Variants in UNC79 observed in about 807,000 individuals in gnomAD.
The protein encoded by UNC79 is protein unc-79 homolog.
A neutral mutation model predicts 283.1 loss-of-function variants in UNC79; 37 were observed. The ratio of observed to expected loss-of-function variants is 0.13; its 90% CI spans 0.10 to 0.17. The LOEUF is 0.17. Among genes scored for constraint, UNC79 ranks in the 10% least tolerant of loss-of-function variants. UNC79 has a pLI of 1.00. For synonymous variants in UNC79, 1,107 were observed against 1,200.2 expected, an observed-to-expected ratio of 0.92 and a Z score of 1.61; for missense variants, 2,272 against 3,211.1, an observed-to-expected ratio of 0.71 and a Z score of 7.07.
chr14:93,589,323 G>C (rs749223910), intron 22 of UNC79, among the ~76,000 whole-genome samples: 1 of 152,094 alleles, frequency 6.6e-6, no homozygotes, highest in Non-Finnish European at 1.5e-5. Flanking sequence ...GTGATGAAAC[G>C]GTTGTCTCTG....
At chr14:93,628,034 T>A (rs1334901796) in intron 30 of UNC79, among the ~76,000 whole-genome samples, 1 of 152,216 alleles carries the variant, frequency 6.6e-6, no homozygotes, top group Non-Finnish European at 1.5e-5. Flanking sequence ...AGTAGTATTT[T>A]ATTTAGTAGT....
chr14:93,623,541 G>A (rs1566802679), intron 30 of UNC79, among the ~76,000 whole-genome samples: 1 of 152,202 alleles, frequency 6.6e-6, no homozygotes, highest in Admixed American at 6.5e-5. Flanking sequence ...ACAGTCTTCT[G>A]TAATGTTACC....
In UNC79 at chr14:93,480,352, G is replaced by A. The variant is rs112104197; in HGVS notation, c.619+2624G>A. Among the ~76,000 whole-genome samples, 1,479 of 152,070 alleles carry A rather than the reference G, an allele frequency of 9.7e-3. 26 individuals are homozygous for A. Among genetic ancestry groups the A allele is most frequent in the African/African-American group, 0.034 (1,396 of 41,472 alleles). On this transcript the variant is annotated intron_variant, in intron 4 of 48. Coordinates refer to ENST00000555664, the Ensembl canonical transcript of UNC79. ...GGGTTTGAAAAAAATGTTCAGTCTC[G>A]CAGATTACTTCTGGCGTACTAATTC...
At chr14:93,348,956 A>G (rs1292682407) in intron 1 of UNC79, among the ~76,000 whole-genome samples, 2 of 152,240 alleles carry the variant, frequency 1.3e-5, no homozygotes, top group Non-Finnish European at 2.9e-5. Flanking sequence ...GCACTGTGGA[A>G]GCTTTGTTCT....
At chr14:93,579,188 G>T (rs2063640008) in intron 18 of UNC79, among the ~76,000 whole-genome samples, 1 of 152,190 alleles carries the variant, frequency 6.6e-6, no homozygotes, top group East Asian at 1.9e-4. Flanking sequence ...GCAGGCGTAA[G>T]ATATAATAAT....
chr14:93,394,351 C>CATTTTA (rs779142641), intron 1 of UNC79, among the ~76,000 whole-genome samples: 11 of 124,766 alleles, frequency 8.8e-5, no homozygotes, highest in Admixed American at 2.5e-4. Context: ...ATGCAATTGT[C>CATTTTA]TTTTATTTTA....
chr14:93,593,623 C>A (rs893501638), intron 22 of UNC79, 57 bp from the exon 23 acceptor site: 4 of 1,559,920 alleles, frequency 2.6e-6, no homozygotes, highest in African/African-American at 2.7e-5. Context: ...AGGACAGGAT[C>A]TTTTTCTGGA....
chr14:93,516,873 CTTTAA>C (rs1196060928), intron 7 of UNC79, among the ~76,000 whole-genome samples: 1 of 151,932 alleles, frequency 6.6e-6, no homozygotes, highest in African/African-American at 2.4e-5. Context: ...TTTAGGTCTT[CTTTAA>C]TTTCTTTCAG....
At chr14:93,522,643 G>T (rs967560789) in intron 7 of UNC79, among the ~76,000 whole-genome samples, 1 of 151,996 alleles carries the variant, frequency 6.6e-6, no homozygotes, top group South Asian at 2.1e-4. Flanking sequence ...CGCCTATACC[G>T]AAATTATTTC....
chr14:93,532,491 A>C, intron 10 of UNC79, 59 bp from the exon 11 acceptor site: 1 of 1,566,908 alleles, frequency 6.4e-7, no homozygotes, highest in Non-Finnish European at 8.7e-7. Flanking sequence ...TAATTAATTA[A>C]ATAAAAATTA....
At chr14:93,585,001 AT>A (rs1359437229) in intron 20 of UNC79, among the ~76,000 whole-genome samples, 1 of 152,036 alleles carries the variant, frequency 6.6e-6, no homozygotes, top group Non-Finnish European at 1.5e-5. Flanking sequence ...CTGGCCAGCA[AT>A]TTATTTTTAA....
intron 14 of UNC79, 63 bp downstream of exon 14, chr14:93,542,759 T>C: frequency 6.5e-7 from 1 of 1,536,488 alleles, no homozygotes; most frequent in Non-Finnish European, 9.0e-7. Context: ...AGTGCTGCCT[T>C]AGCCATGTGG....
chr14:93,494,274 A>C (rs550918053), intron 5 of UNC79, among the ~76,000 whole-genome samples: 2 of 152,276 alleles, frequency 1.3e-5, no homozygotes, highest in Admixed American at 1.3e-4. Flanking sequence ...TAAACCATTC[A>C]TGAAGGACCC....
At chr14:93,389,043 T>G (rs2054832747) in intron 1 of UNC79, among the ~76,000 whole-genome samples, 1 of 152,190 alleles carries the variant, frequency 6.6e-6, no homozygotes, top group Non-Finnish European at 1.5e-5. Flanking sequence ...TGGCTTCAGA[T>G]TCTCAGGAGA....
chr14:93,480,449 T>C (rs896839355), intron 4 of UNC79, among the ~76,000 whole-genome samples: 1 of 152,224 alleles, frequency 6.6e-6, no homozygotes, highest in African/African-American at 2.4e-5. Flanking sequence ...GTTGGTCTAC[T>C]TCATGTGTTT....
At chr14:93,449,865 G>T (rs891008468) in intron 1 of UNC79, among the ~76,000 whole-genome samples, 5 of 152,178 alleles carry the variant, frequency 3.3e-5, no homozygotes, top group African/African-American at 1.2e-4. Context: ...GATTAAATCA[G>T]CGGTGGGTAT....
chr14:93,477,753 A>G, intron 4 of UNC79, 25 bp downstream of exon 4: 1 of 1,591,764 alleles, frequency 6.3e-7, no homozygotes, highest in Non-Finnish European at 8.5e-7. Context: ...ACCTAATACT[A>G]GATTATTTTT....
chr14:93,383,244 A>G (rs2054701293), intron 1 of UNC79, among the ~76,000 whole-genome samples: 2 of 152,156 alleles, frequency 1.3e-5, no homozygotes, highest in Non-Finnish European at 2.9e-5. Context: ...TTGCACCTGA[A>G]GTGTAGTTTT....
rs148371482 is a variant in UNC79 at position 93,644,125 on chromosome 14, G to A, written c.6044+428G>A. On this transcript the variant is annotated intron_variant, in intron 34 of 48. Coordinates refer to ENST00000555664, the Ensembl canonical transcript of UNC79. ...ACCTCATTTAACTATGAAACTTGGG[G>A]CATTGTTGTGTGAGGAGACACATAG... Among the ~76,000 whole-genome samples, 350 of 152,242 alleles carry A rather than the reference G, an allele frequency of 2.3e-3. 2 individuals carry two copies. The highest frequency in any genetic ancestry group is 7.8e-3 in the African/African-American group (325 of 41,534).
Sources: allele counts gnomAD v4.1 joint callset (sites outside exome capture counted in the v4.1 genomes callset), GRCh38; gene constraint gnomAD v4.1.1; transcripts MANE v1.5; gene names NCBI Gene and HGNC (gene_info 2026-07-23, HGNC 2026-07-21).